The following LRMDA variants were observed in gnomAD, a reference collection of about 807,000 sequenced individuals.
LRMDA encodes leucine rich melanocyte differentiation associated.
In LRMDA, 18 loss-of-function variants were observed where a neutral mutation model predicts 29.8. That is an observed-to-expected ratio of 0.60 (90% confidence interval 0.42 to 0.90). The LOEUF is 0.90. Among genes scored for constraint, LRMDA ranks in the 40% least tolerant of loss-of-function variants. The pLI is 0.00. For missense variants in LRMDA, 273 were observed against 273.9 expected, an observed-to-expected ratio of 1.00 and a Z score of 0.02; for synonymous variants, 125 against 109.4, an observed-to-expected ratio of 1.14 and a Z score of -0.89.
chr10:75,869,411 A>G (rs2132330289), intron 2 of LRMDA, among the ~76,000 whole-genome samples: 1 of 152,286 alleles, frequency 6.6e-6, no homozygotes, highest in African/African-American at 2.4e-5. Flanking sequence ...GCACATTTCT[A>G]TATGGATATA....
At position 76,423,759 on chromosome 10, in the gene LRMDA, C is replaced by T. The variant is rs528485145; in HGVS notation, c.601+99274C>T. On this transcript the variant is annotated intron_variant, in intron 6 of 6. Coordinates refer to ENST00000611255, the MANE Select transcript of LRMDA (RefSeq NM_001305581.2). ...CCCTAACTCAGCTAGAATGAGTTTT[C>T]CCATTGCCCATGTGTCTATTTTTGT... 1.1e-4 allele frequency among the ~76,000 whole-genome samples: 16 copies of T among 152,292 alleles called. No homozygotes were observed. In the South Asian group the frequency reaches 3.3e-3, roughly 32 times the overall value.
At chr10:75,844,742 C>T (rs948895348) in intron 2 of LRMDA, among the ~76,000 whole-genome samples, 1 of 152,156 alleles carries the variant, frequency 6.6e-6, no homozygotes, top group Non-Finnish European at 1.5e-5. Flanking sequence ...TAACAAATAG[C>T]GTCTGATCAT....
chr10:76,151,691 T>G (rs1850448327), intron 5 of LRMDA, among the ~76,000 whole-genome samples: 1 of 152,218 alleles, frequency 6.6e-6, no homozygotes, highest in Non-Finnish European at 1.5e-5. Context: ...GTAAATTTTA[T>G]TTTTGAATTG....
chr10:75,975,070 A>T (rs768299532), intron 2 of LRMDA, among the ~76,000 whole-genome samples: 5 of 152,234 alleles, frequency 3.3e-5, no homozygotes, highest in African/African-American at 7.2e-5. Flanking sequence ...ACTACTGGTA[A>T]CTTTCATCTT....
Position 75,924,459 on chromosome 10 carries a change from C to CA in LRMDA, c.132-111541dup, listed in dbSNP as rs534764978. ...AAGTTAAAACTGATGGATGGCTTGT[C>CA]AAAAAAAATAATTGCATTGGTTGGA... is the stretch of plus-strand genomic sequence containing the variant. On this transcript the variant is annotated intron_variant, in intron 2 of 6. Transcript: ENST00000611255. Among the ~76,000 whole-genome samples the CA allele has an allele frequency of 8.0e-3, 1,213 of 151,860 alleles. 11 individuals are homozygous for CA. The highest frequency in any genetic ancestry group is 0.027 in the Middle Eastern group (8 of 294).
intron 2 of LRMDA, among the ~76,000 whole-genome samples, chr10:75,541,846 C>G (rs1840020716): frequency 6.6e-6 from 1 of 152,122 alleles, no homozygotes; most frequent in Admixed American, 6.6e-5. Flanking sequence ...ACTGTCAACT[C>G]CTGTTTCTGA....
At chr10:75,550,041 C>T (rs1417593730) in intron 2 of LRMDA, among the ~76,000 whole-genome samples, 2 of 152,124 alleles carry the variant, frequency 1.3e-5, no homozygotes, top group East Asian at 3.8e-4. Flanking sequence ...GACACATTCA[C>T]CATTTGATGG....
At chr10:75,618,921 T>C in intron 2 of LRMDA, among the ~76,000 whole-genome samples, 1 of 152,022 alleles carries the variant, frequency 6.6e-6, no homozygotes, top group African/African-American at 2.4e-5. Context: ...TAGCTGGGAC[T>C]ACAGGTGCGT....
At chr10:76,419,227 TG>T (rs976227402) in intron 6 of LRMDA, among the ~76,000 whole-genome samples, 3 of 152,104 alleles carry the variant, frequency 2.0e-5, no homozygotes, top group Non-Finnish European at 2.9e-5. Context: ...AAATCTTTTT[TG>T]CTTCACCTAT....
intron 5 of LRMDA, among the ~76,000 whole-genome samples, chr10:76,299,599 CTTTCT>C (rs2132358660): frequency 1.0e-5 from 1 of 97,882 alleles, no homozygotes; most frequent in East Asian, 2.4e-4. Context: ...ACCCCCCTTC[CTTTCT>C]TTTTTTTTTT....
intron 5 of LRMDA, among the ~76,000 whole-genome samples, chr10:76,192,048 G>A (rs1011639197): frequency 3.3e-5 from 5 of 152,110 alleles, no homozygotes; most frequent in Admixed American, 6.6e-5. Context: ...GAGTAGGGTC[G>A]TCTAGTCCTT....
chr10:75,929,889 G>A (rs1846180547), intron 2 of LRMDA, among the ~76,000 whole-genome samples: 1 of 152,188 alleles, frequency 6.6e-6, no homozygotes, highest in Non-Finnish European at 1.5e-5. Context: ...GACAGAGTTG[G>A]GAGCCTATTG....
chr10:76,487,302 A>G (rs377609704), intron 6 of LRMDA, among the ~76,000 whole-genome samples: 7 of 151,932 alleles, frequency 4.6e-5, no homozygotes, highest in African/African-American at 1.7e-4. Context: ...CCAGTAGATG[A>G]TTATATTATT....
intron 2 of LRMDA, among the ~76,000 whole-genome samples, chr10:75,735,088 C>T (rs142130868): frequency 5.9e-5 from 9 of 152,298 alleles, no homozygotes; most frequent in South Asian, 2.1e-4. Context: ...CTTTGTCCTC[C>T]GTGTTCACTA....
chr10:75,803,818 C>G (rs1375158410), intron 2 of LRMDA, among the ~76,000 whole-genome samples: 1 of 151,944 alleles, frequency 6.6e-6, no homozygotes, highest in Non-Finnish European at 1.5e-5. Flanking sequence ...GCTCAGATAC[C>G]CACCCCTAAC....
intron 2 of LRMDA, among the ~76,000 whole-genome samples, chr10:75,547,650 A>G (rs1167361475): frequency 1.3e-5 from 2 of 152,248 alleles, no homozygotes; most frequent in African/African-American, 4.8e-5. Flanking sequence ...TGCTCAAGCC[A>G]CATGTGTTTA....
intron 2 of LRMDA, among the ~76,000 whole-genome samples, chr10:75,703,569 C>A (rs552315760): frequency 6.6e-6 from 1 of 152,278 alleles, no homozygotes; most frequent in African/African-American, 2.4e-5. Flanking sequence ...TGATATACAG[C>A]TTGCAATTAA....
intron 5 of LRMDA, among the ~76,000 whole-genome samples, chr10:76,240,905 C>T (rs913784641): frequency 6.1e-5 from 9 of 148,612 alleles, no homozygotes; most frequent in Admixed American, 2.7e-4. Flanking sequence ...TACATACACA[C>T]ACACCCCATG....
intron 2 of LRMDA, among the ~76,000 whole-genome samples, chr10:75,698,000 C>T (rs931155177): frequency 1.3e-5 from 2 of 152,146 alleles, no homozygotes; most frequent in South Asian, 2.1e-4. Context: ...TCCTTACAGT[C>T]GCCCTCTGGA....
Sources: gnomAD v4.1 joint callset for allele counts (sites outside exome capture counted in the v4.1 genomes callset) on GRCh38, gnomAD v4.1.1 for gene constraint, MANE v1.5 for transcripts, NCBI Gene and HGNC (gene_info 2026-07-23, HGNC 2026-07-21) for gene names.